Variants in SEPTIN14 observed in about 807,000 individuals in gnomAD.
The protein encoded by SEPTIN14 is septin 14, also known as septin-14.
In SEPTIN14, 40 loss-of-function variants were observed where a neutral mutation model predicts 53.6. The ratio of observed to expected loss-of-function variants is 0.75; its 90% CI spans 0.58 to 0.97. SEPTIN14 has a LOEUF of 0.97. SEPTIN14 is among the 50% of genes least tolerant of loss of function. The pLI is 0.00. For missense variants in SEPTIN14, 471 were observed against 508.2 expected (o/e 0.93, Z 0.70); for synonymous variants, 138 against 166.8 (o/e 0.83, Z 1.33).
chr7:55,807,308 C>T lies in SEPTIN14; in HGVS notation c.818-50G>A, dbSNP rs541999211. 11 of 1,226,762 alleles carry T rather than the reference C, an allele frequency of 9.0e-6. No individual in the cohort carries two copies. The East Asian group carries it at 1.9e-4, about 21-fold the overall frequency. 76.0% of individuals were successfully genotyped at this position (1,226,762 alleles called of 1,614,324 possible). On this transcript the variant is annotated intron_variant, in intron 7 of 9. Coordinates refer to ENST00000388975, the MANE Select transcript of SEPTIN14 (RefSeq NM_207366.3). ...AACAACATTCAGTATCAATCCCTGA[C>T]AATCAGTAAGTGTTCATGAATGAAT...
chr7:55,840,068 C>T (rs936336025), intron 5 of SEPTIN14, among the ~76,000 whole-genome samples: 7 of 150,334 alleles, frequency 4.7e-5, no homozygotes, highest in African/African-American at 1.5e-4. Context: ...TCCCTTGAAC[C>T]TGGGAGACGG....
intron 7 of SEPTIN14, among the ~76,000 whole-genome samples, chr7:55,814,314 T>C (rs1788756864): frequency 6.6e-6 from 1 of 152,112 alleles, no homozygotes; most frequent in African/African-American, 2.4e-5. Context: ...TTGACAAGCA[T>C]CAAGACCATC....
chr7:55,805,200 C>T, intron 9 of SEPTIN14, 58 bp downstream of exon 9: 1 of 1,484,518 alleles, frequency 6.7e-7, no homozygotes. Flanking sequence ...ATTAAAACCC[C>T]CAAATTAATA....
intron 6 of SEPTIN14, 95 bp from the exon 7 acceptor site, chr7:55,819,318 G>A (rs1287808319): frequency 3.3e-5 from 30 of 906,610 alleles, no homozygotes; most frequent in East Asian, 5.4e-5. Flanking sequence ...AGGCCAGCGC[G>A]GTGGCTCATG....
At chr7:55,810,580 T>C (rs1302924317) in intron 7 of SEPTIN14, among the ~76,000 whole-genome samples, 1 of 149,876 alleles carries the variant, frequency 6.7e-6, no homozygotes, top group Non-Finnish European at 1.5e-5. Context: ...GTTTAAGCAA[T>C]TCTCCTGCCT....
chr7:55,829,777 C>T (rs1232178973), intron 6 of SEPTIN14, among the ~76,000 whole-genome samples: 6 of 137,302 alleles, frequency 4.4e-5, no homozygotes, highest in Admixed American at 3.2e-4. Flanking sequence ...GCCGAGATAG[C>T]GCCACTGTGC....
At chr7:55,799,351 C>CAAA (rs57842949) in intron 9 of SEPTIN14, among the ~76,000 whole-genome samples, 9,058 of 104,544 alleles carry the variant, frequency 0.087, 742 homozygotes, top group African/African-American at 0.23. Context: ...ACTAAAAATA[C>CAAA]AAAAAAAAAA....
At chr7:55,836,632 G>A (rs1195623581) in intron 5 of SEPTIN14, among the ~76,000 whole-genome samples, 2 of 152,116 alleles carry the variant, frequency 1.3e-5, no homozygotes, top group Non-Finnish European at 1.5e-5. Flanking sequence ...CAGCTACTCA[G>A]GAGGCTGAGG....
intron 7 of SEPTIN14, chr7:55,811,002 G>T: frequency 2.3e-6 from 1 of 441,630 alleles, no homozygotes. Context: ...TCTTTTGACT[G>T]TTGCAATTTG....
At chr7:55,799,041 T>C (rs891110749) in intron 9 of SEPTIN14, among the ~76,000 whole-genome samples, 2 of 152,070 alleles carry the variant, frequency 1.3e-5, no homozygotes, top group Non-Finnish European at 2.9e-5. Context: ...ATTAATAAAA[T>C]GATAATAGTA....
In SEPTIN14 at chr7:55,834,576, A is replaced by C; in HGVS notation, c.569T>G (p.Ile190Arg). Reference sequence around the variant, plus strand: ...AGTGTCTGCTTTGGCAATCAGTGGTATAATATTCACCTATGAAGAAAGAAG... The same window carrying C: ...AGTGTCTGCTTTGGCAATCAGTGGTCTAATATTCACCTATGAAGAAAGAAG... ...MKNLDSKVNI[I>R]PLIAKADTIS... Residue 190 changes from isoleucine to arginine, a missense_variant, in exon 6 of 10, where the codon ATA (isoleucine) becomes AGA (arginine). Coordinates refer to ENST00000388975, the MANE Select transcript of SEPTIN14 (RefSeq NM_207366.3). 1 of 1,603,542 alleles carries C rather than the reference A, an allele frequency of 6.2e-7. No individual in the cohort carries two copies. Among genetic ancestry groups the C allele is most frequent in the Non-Finnish European group, 8.5e-7 (1 of 1,173,792 alleles).
chr7:55,813,105 A>G (rs1328987717), intron 7 of SEPTIN14, among the ~76,000 whole-genome samples: 1 of 151,998 alleles, frequency 6.6e-6, no homozygotes, highest in Admixed American at 6.6e-5. Flanking sequence ...GCACACCACT[A>G]TGCCCAGCTA....
At chr7:55,855,759 G>A (rs1034184306) in intron 2 of SEPTIN14, among the ~76,000 whole-genome samples, 15 of 151,498 alleles carry the variant, frequency 9.9e-5, no homozygotes, top group Non-Finnish European at 4.4e-5. Flanking sequence ...TCACTATGTT[G>A]GCCAGGTTGG....
intron 9 of SEPTIN14, among the ~76,000 whole-genome samples, chr7:55,796,310 C>T (rs1283221533): frequency 1.3e-5 from 2 of 152,086 alleles, no homozygotes; most frequent in Admixed American, 6.5e-5. Context: ...GCTGCCCAGG[C>T]TGGAGTGCAG....
Position 55,853,977 on chromosome 7 carries a change from A to T in SEPTIN14, c.55-7340T>A, listed in dbSNP as rs142723868. On this transcript the variant is annotated intron_variant, in intron 2 of 9. Coordinates refer to ENST00000388975, the MANE Select transcript of SEPTIN14 (RefSeq NM_207366.3). ...TGAAAATAAAAACTAAAAAAATAGC[A>T]GAGTATGGTGGTACATGCTCGTCGT... Among the ~76,000 whole-genome samples the T allele has an allele frequency of 2.8e-3, 423 of 152,090 alleles. 5 individuals are homozygous for T. Among genetic ancestry groups the T allele is most frequent in the Middle Eastern group, 0.01 (3 of 294 alleles).
chr7:55,856,966 A>C (rs1054200525), intron 2 of SEPTIN14, among the ~76,000 whole-genome samples: 4 of 151,890 alleles, frequency 2.6e-5, no homozygotes, highest in Admixed American at 6.6e-5. Context: ...GCTACTCAGG[A>C]GGCTGAGGCA....
intron 6 of SEPTIN14, among the ~76,000 whole-genome samples, chr7:55,831,214 C>T (rs1789104473): frequency 6.6e-6 from 1 of 151,650 alleles, no homozygotes; most frequent in Non-Finnish European, 1.5e-5. Context: ...CAAAAACAGA[C>T]AGATTAATGG....
chr7:55,824,761 C>G (rs911325441), intron 6 of SEPTIN14, among the ~76,000 whole-genome samples: 1 of 152,032 alleles, frequency 6.6e-6, no homozygotes, highest in Admixed American at 6.6e-5. Context: ...TGCACTCCAG[C>G]CTGGGTGACA....
intron 6 of SEPTIN14, among the ~76,000 whole-genome samples, chr7:55,830,003 C>G (rs1233856505): frequency 6.6e-6 from 1 of 151,074 alleles, no homozygotes; most frequent in East Asian, 2.0e-4. Flanking sequence ...ACGGTGAAAC[C>G]CCGTCTCTAC....
Sources: allele counts gnomAD v4.1 joint callset (sites outside exome capture counted in the v4.1 genomes callset), GRCh38; gene constraint gnomAD v4.1.1; transcripts MANE v1.5; gene names NCBI Gene and HGNC (gene_info 2026-07-23, HGNC 2026-07-21).